Variants in HCN1 observed in about 807,000 individuals in gnomAD.
The protein encoded by HCN1 is hyperpolarization activated cyclic nucleotide gated potassium channel 1, also known as potassium/sodium hyperpolarization-activated cyclic nucleotide-gated channel 1.
A neutral mutation model predicts 78.9 loss-of-function variants in HCN1; 13 were observed. The ratio of observed to expected loss-of-function variants is 0.16; its 90% CI spans 0.11 to 0.26. The LOEUF (loss-of-function observed/expected upper bound fraction) is 0.26. Among genes scored for constraint, HCN1 ranks in the 10% least tolerant of loss-of-function variants. The pLI is 1.00. For missense variants in HCN1, 810 were observed against 1,154.3 expected, an observed-to-expected ratio of 0.70 and a Z score of 4.32; for synonymous variants, 552 against 455.5, an observed-to-expected ratio of 1.21 and a Z score of -2.70.
In HCN1 at chr5:45,373,598, G is replaced by A. The variant is rs188969564; in HGVS notation, c.1231-20352C>T. Among the ~76,000 whole-genome samples, 791 of 121,046 alleles carry A rather than the reference G, an allele frequency of 6.5e-3. 7 individuals are homozygous for A. The highest frequency in any genetic ancestry group is 8.9e-3 in the Non-Finnish European group (527 of 59,176). The allele number at this position is 121,046 out of a possible 152,430, so 79.4% of individuals were successfully genotyped here. A position where few individuals can be genotyped will look rare whatever the true frequency, so the allele number is the denominator to read the frequency against. The stretch of plus-strand genomic sequence containing the variant: ...ACGTCATCTATAATATATTACATAC[G>A]GTATATACGTCATCTATAATATATT... On this transcript the variant is annotated intron_variant, in intron 4 of 7. Coordinates refer to ENST00000303230, the MANE Select transcript of HCN1 (RefSeq NM_021072.4).
At chr5:45,460,616 T>C (rs759500814) in intron 3 of HCN1, among the ~76,000 whole-genome samples, 18 of 151,836 alleles carry the variant, frequency 1.2e-4, no homozygotes, top group Non-Finnish European at 1.9e-4. Flanking sequence ...TTTAGTGATA[T>C]ATAAGCAAAT....
intron 2 of HCN1, among the ~76,000 whole-genome samples, chr5:45,578,590 T>G (rs1743994116): frequency 6.6e-6 from 1 of 152,044 alleles, no homozygotes; most frequent in Non-Finnish European, 1.5e-5. Flanking sequence ...TCCTGAATCA[T>G]CATAGCTCAA....
chr5:45,343,540 A>G (rs958090296), intron 5 of HCN1, among the ~76,000 whole-genome samples: 4 of 152,222 alleles, frequency 2.6e-5, no homozygotes, highest in Non-Finnish European at 4.4e-5. Context: ...CAGAAAGAAA[A>G]GCTGCAAAAT....
intron 5 of HCN1, among the ~76,000 whole-genome samples, chr5:45,326,423 C>T (rs1334492896): frequency 6.6e-6 from 1 of 151,514 alleles, no homozygotes; most frequent in African/African-American, 2.4e-5. Context: ...GTGACATAAC[C>T]CACATTGCCA....
In HCN1 at chr5:45,487,666, C is replaced by T. The variant is rs189679480; in HGVS notation, c.850-25659G>A. 2.7e-3 allele frequency among the ~76,000 whole-genome samples: 408 copies of T among 152,054 alleles called. 2 individuals are homozygous for T. Among genetic ancestry groups the T allele is most frequent in the African/African-American group, 9.1e-3 (377 of 41,504 alleles). ...ATTTTTTTCCAATTGAGAAATTATA[C>T]AAAATAATGTAAGTTCATGTTCCAA... On this transcript the variant is annotated intron_variant, in intron 2 of 7. Coordinates refer to ENST00000303230, the MANE Select transcript of HCN1 (RefSeq NM_021072.4).
intron 4 of HCN1, among the ~76,000 whole-genome samples, chr5:45,386,322 C>T (rs1344341566): frequency 2.0e-5 from 3 of 151,578 alleles, no homozygotes; most frequent in Admixed American, 6.6e-5. Context: ...AGTATAGGTG[C>T]GAGCCATCAT....
chr5:45,686,441 G>A (rs1344062580), intron 1 of HCN1, among the ~76,000 whole-genome samples: 2 of 152,108 alleles, frequency 1.3e-5, no homozygotes, highest in Non-Finnish European at 2.9e-5. Flanking sequence ...CAAGGACTTA[G>A]CTTTCTGACA....
At chr5:45,476,497 CT>C (rs1218916158) in intron 2 of HCN1, among the ~76,000 whole-genome samples, 2 of 152,110 alleles carry the variant, frequency 1.3e-5, no homozygotes, top group East Asian at 3.8e-4. Context: ...ATTTCTTGAC[CT>C]TTTTTTCACC....
At chr5:45,363,038 CTTAA>C (rs1356695322) in intron 4 of HCN1, among the ~76,000 whole-genome samples, 34 of 148,458 alleles carry the variant, frequency 2.3e-4, no homozygotes, top group Admixed American at 9.5e-4. Flanking sequence ...TACCATGATA[CTTAA>C]TTAGATATTT....
chr5:45,359,136 C>T (rs1348913183), intron 4 of HCN1, among the ~76,000 whole-genome samples: 2 of 151,608 alleles, frequency 1.3e-5, no homozygotes, highest in Non-Finnish European at 2.9e-5. Context: ...GCCCTTTTTT[C>T]CTGTTAATCT....
intron 4 of HCN1, among the ~76,000 whole-genome samples, chr5:45,374,719 G>A (rs1747564510): frequency 6.7e-6 from 1 of 150,064 alleles, no homozygotes. Context: ...AAATATGCTT[G>A]ATGAACACAG....
At chr5:45,658,605 C>T (rs891269007) in intron 1 of HCN1, among the ~76,000 whole-genome samples, 18 of 151,724 alleles carry the variant, frequency 1.2e-4, no homozygotes, top group African/African-American at 3.4e-4. Context: ...GCGCACCGTG[C>T]GCGAGCCGAA....
In HCN1 at chr5:45,645,356, G is replaced by C. The variant is rs754468811; in HGVS notation, c.678C>G (p.Phe226Leu). 102 of 1,613,612 alleles carry C rather than the reference G, an allele frequency of 6.3e-5. No individual in the cohort carries two copies. The highest frequency in any genetic ancestry group is 8.6e-5 in the Non-Finnish European group (102 of 1,179,800). ...TATAATCCACTGGGATGGATGAGAT[G>C]AAGTCAACCACAAACCAGCTTTTTA... ...NYLKSWFVVDFISSIPVDYIF... is the reference protein window; with the variant it reads ...NYLKSWFVVDLISSIPVDYIF... Residue 226 changes from phenylalanine (F) to leucine (L), a missense_variant, in exon 2 of 8, where the codon TTC becomes TTG. This residue lies in a region of HCN1 where 104 missense variants were observed against 402.8 expected (regional missense o/e 0.26). Transcript: ENST00000303230.
intron 5 of HCN1, among the ~76,000 whole-genome samples, chr5:45,329,659 T>C (rs1471370239): frequency 3.3e-5 from 5 of 151,452 alleles, no homozygotes; most frequent in African/African-American, 7.3e-5. Context: ...TTTATAGATA[T>C]GGGGAATAGG....
intron 5 of HCN1, among the ~76,000 whole-genome samples, chr5:45,331,817 CT>C (rs1398430426): frequency 6.6e-6 from 1 of 151,416 alleles, no homozygotes; most frequent in Non-Finnish European, 1.5e-5. Context: ...ATCAAAATCA[CT>C]ACCACCACCA....
rs1740010101 is a variant in HCN1, at chr5:45,696,191, G to A, written c.-98C>T. The A allele has an allele frequency of 3.0e-6, 2 of 665,964 alleles. No homozygotes were observed. The highest frequency in any genetic ancestry group is 3.8e-6 in the Non-Finnish European group (2 of 520,106). 41.3% of individuals were successfully genotyped at this position (665,964 alleles called of 1,614,324 possible). A position where few individuals can be genotyped will look rare whatever the true frequency, so the allele number is the denominator to read the frequency against. On this transcript the variant is annotated 5_prime_UTR_variant, in exon 1 of 8. Transcript: ENST00000303230. ...GAGAGGGTAGGGGCCCGAGCCGGCT[G>A]CCGGCGAGCCCAGCTGCCCGTCGCG... is the stretch of plus-strand genomic sequence containing the variant.
intron 2 of HCN1, among the ~76,000 whole-genome samples, chr5:45,555,776 TG>T (rs1743456155): frequency 2.0e-5 from 3 of 151,388 alleles, no homozygotes; most frequent in Admixed American, 6.6e-5. Context: ...AGAACAAAAC[TG>T]GAGGAGTCAT....
intron 3 of HCN1, among the ~76,000 whole-genome samples, chr5:45,453,780 G>C (rs765846267): frequency 6.6e-6 from 1 of 152,114 alleles, no homozygotes; most frequent in Non-Finnish European, 1.5e-5. Flanking sequence ...GAGATAATGT[G>C]TTATACATAC....
chr5:45,398,603 T>C (rs1364379177), intron 3 of HCN1, among the ~76,000 whole-genome samples: 2 of 152,208 alleles, frequency 1.3e-5, no homozygotes, highest in African/African-American at 4.8e-5. Context: ...AAGGATGTTT[T>C]AGTGTTTCTT....
Sources: gnomAD v4.1 joint callset for allele counts (sites outside exome capture counted in the v4.1 genomes callset) on GRCh38, gnomAD v4.1.1 for gene constraint, gnomAD v4.1.1 regional missense constraint, MANE v1.5 for transcripts, NCBI Gene and HGNC (gene_info 2026-07-23, HGNC 2026-07-21) for gene names.